The following ATG5 variants were observed in gnomAD, a reference collection of about 807,000 sequenced individuals.
ATG5 encodes autophagy protein 5.
A neutral mutation model predicts 36.5 loss-of-function variants in ATG5; 14 were observed. The ratio of observed to expected loss-of-function variants is 0.38; its 90% CI spans 0.25 to 0.60. The LOEUF (loss-of-function observed/expected upper bound fraction) is 0.60. ATG5 is among the 20% of genes least tolerant of loss of function. The pLI is 0.60. For synonymous variants in ATG5, 95 were observed against 101.5 expected, an observed-to-expected ratio of 0.94 and a Z score of 0.38; for missense variants, 195 against 326.7, an observed-to-expected ratio of 0.60 and a Z score of 3.11.
At chr6:106,256,091 T>C (rs1340099808) in intron 5 of ATG5, among the ~76,000 whole-genome samples, 4 of 152,298 alleles carry the variant, frequency 2.6e-5, no homozygotes, top group African/African-American at 9.6e-5. Context: ...AACAAAAATA[T>C]TTTAATTTTT....
At chr6:106,249,163 T>TAA (rs1417488276) in intron 5 of ATG5, among the ~76,000 whole-genome samples, 1 of 152,114 alleles carries the variant, frequency 6.6e-6, no homozygotes, top group Non-Finnish European at 1.5e-5. Flanking sequence ...TCACCCCTTT[T>TAA]AAAGTATACA....
At chr6:106,302,035 C>A (rs1334492346) in intron 3 of ATG5, among the ~76,000 whole-genome samples, 1 of 151,956 alleles carries the variant, frequency 6.6e-6, no homozygotes, top group Non-Finnish European at 1.5e-5. Flanking sequence ...ACAGTTATAA[C>A]ATGACAAGAA....
chr6:106,186,298 G>A lies in ATG5; in HGVS notation c.*242C>T, dbSNP rs76183704. On this transcript the variant is annotated 3_prime_UTR_variant, in exon 8 of 8. Transcript: ENST00000369076. ...TATATTTTACAGAAGACCTTCAGTG[G>A]TCCGGTAAGTCTTTCATGTCACAGC... The A allele has an allele frequency of 1.1e-5, 5 of 448,040 alleles. No individual in the cohort carries two copies. The highest frequency in any genetic ancestry group is 7.9e-6 in the Non-Finnish European group (2 of 253,624). The allele number at this position is 448,040 out of a possible 1,614,324, so 27.8% of individuals were successfully genotyped here. A position where few individuals can be genotyped will look rare whatever the true frequency, so the allele number is the denominator to read the frequency against.
At chr6:106,225,070 C>G (rs1364740091) in intron 6 of ATG5, among the ~76,000 whole-genome samples, 14 of 152,186 alleles carry the variant, frequency 9.2e-5, no homozygotes, top group Non-Finnish European at 1.8e-4. Flanking sequence ...TCTAATAATT[C>G]CAGCTATAGT....
chr6:106,191,902 T>C (rs1775979938), intron 7 of ATG5, among the ~76,000 whole-genome samples: 1 of 152,172 alleles, frequency 6.6e-6, no homozygotes, highest in Admixed American at 6.5e-5. Flanking sequence ...ATAAAAACCA[T>C]GGATTCAATT....
chr6:106,241,577 T>C (rs1355446614), intron 6 of ATG5, among the ~76,000 whole-genome samples: 2 of 152,244 alleles, frequency 1.3e-5, no homozygotes, highest in African/African-American at 4.8e-5. Flanking sequence ...TACCCAGATA[T>C]TTGTTCAAAT....
At chr6:106,286,988 A>C (rs556717469) in intron 4 of ATG5, among the ~76,000 whole-genome samples, 12 of 152,336 alleles carry the variant, frequency 7.9e-5, no homozygotes, top group Admixed American at 2.0e-4. Flanking sequence ...CAGAATCCTG[A>C]CCCACAGAAA....
intron 7 of ATG5, among the ~76,000 whole-genome samples, chr6:106,199,913 C>T (rs546558433): frequency 6.6e-6 from 1 of 152,268 alleles, no homozygotes; most frequent in East Asian, 1.9e-4. Context: ...ACTATAAAGG[C>T]TAGTAAAGTT....
chr6:106,203,483 A>C (rs1297702103), intron 6 of ATG5, among the ~76,000 whole-genome samples: 2 of 152,238 alleles, frequency 1.3e-5, no homozygotes, highest in Non-Finnish European at 2.9e-5. Context: ...AGAGAATAAA[A>C]GCATTTTTAC....
chr6:106,263,211 T>C (rs988057655), intron 5 of ATG5, among the ~76,000 whole-genome samples: 1 of 152,128 alleles, frequency 6.6e-6, no homozygotes, highest in African/African-American at 2.4e-5. Context: ...CCTCTGACAG[T>C]GCTAAGGAGT....
chr6:106,235,653 T>C (rs1777871365), intron 6 of ATG5, among the ~76,000 whole-genome samples: 1 of 151,292 alleles, frequency 6.6e-6, no homozygotes, highest in African/African-American at 2.4e-5. Flanking sequence ...AAACAGGAGG[T>C]AAAAAAATAG....
intron 6 of ATG5, among the ~76,000 whole-genome samples, chr6:106,226,324 G>A (rs984240856): frequency 6.6e-6 from 1 of 152,178 alleles, no homozygotes; most frequent in African/African-American, 2.4e-5. Context: ...CCTTGGGAAA[G>A]GGGGGAAGCA....
intron 6 of ATG5, among the ~76,000 whole-genome samples, chr6:106,233,774 C>T (rs575155208): frequency 1.3e-5 from 2 of 152,212 alleles, no homozygotes; most frequent in Admixed American, 1.3e-4. Flanking sequence ...CCCCATGGCC[C>T]TCCCTTATCA....
At chr6:106,188,398 G>A (rs1775850697) in intron 7 of ATG5, among the ~76,000 whole-genome samples, 2 of 152,112 alleles carry the variant, frequency 1.3e-5, no homozygotes, top group Admixed American at 1.3e-4. Flanking sequence ...GAATAGTGGT[G>A]TAAGAGTAAA....
chr6:106,306,554 A>G (rs9373843), intron 3 of ATG5, among the ~76,000 whole-genome samples: 20,876 of 152,268 alleles, frequency 0.14, 1,893 homozygotes, highest in Non-Finnish European at 0.19. Flanking sequence ...CCACCACAAC[A>G]AAGAATTATC....
At chr6:106,240,645 A>G (rs1778084546) in intron 6 of ATG5, among the ~76,000 whole-genome samples, 2 of 151,974 alleles carry the variant, frequency 1.3e-5, no homozygotes, top group African/African-American at 4.8e-5. Flanking sequence ...AAACTAATAC[A>G]TTTTTGAAAA....
chr6:106,322,884 A>G (rs1771142348), intron 1 of ATG5, among the ~76,000 whole-genome samples: 1 of 152,036 alleles, frequency 6.6e-6, no homozygotes, highest in Non-Finnish European at 1.5e-5. Flanking sequence ...AAAACGGAAA[A>G]CCATTTCAGA....
intron 3 of ATG5, among the ~76,000 whole-genome samples, chr6:106,293,527 T>C (rs1411834260): frequency 6.6e-6 from 1 of 152,236 alleles, no homozygotes. Context: ...CTAAAACGCA[T>C]GCAAATCACC....
rs1282471899 is a variant in ATG5 at position 106,184,746 on chromosome 6, C to G, written c.*1794G>C. 1 of 152,264 alleles carries G rather than the reference C, an allele frequency of 6.6e-6. No homozygotes were observed. Among genetic ancestry groups the G allele is most frequent in the African/African-American group, 2.4e-5 (1 of 41,420 alleles). The allele number at this position is 152,264 out of a possible 1,614,324, so 9.4% of individuals were successfully genotyped here. ...TGCAAAGGCCTGACACTGGTTTTGTCTGTATAAAACTACTCTGGCTTTTTA... is the reference window on the plus strand; with the variant it reads ...TGCAAAGGCCTGACACTGGTTTTGTGTGTATAAAACTACTCTGGCTTTTTA... On this transcript the variant is annotated 3_prime_UTR_variant, in exon 8 of 8. Transcript: ENST00000369076.
Sources: allele counts gnomAD v4.1 joint callset (sites outside exome capture counted in the v4.1 genomes callset), GRCh38; gene constraint gnomAD v4.1.1; transcripts MANE v1.5; gene names NCBI Gene and HGNC (gene_info 2026-07-23, HGNC 2026-07-21).